FRYL: variants seen among roughly 807,000 people sequenced by gnomAD.
The protein encoded by FRYL is FRY like transcription coactivator, also known as protein furry homolog-like.
In FRYL, 150 loss-of-function variants were observed where a neutral mutation model predicts 351.2. That is an observed-to-expected ratio of 0.43 (90% confidence interval 0.37 to 0.49). FRYL has a LOEUF of 0.49. FRYL is among the 20% of genes least tolerant of loss of function. The pLI, the probability that FRYL is intolerant of heterozygous loss-of-function variation, is 0.00. For synonymous variants in FRYL, 1,153 were observed against 1,257.1 expected (o/e 0.92, Z 1.75); for missense variants, 3,036 against 3,619.3 (o/e 0.84, Z 4.13).
chr4:48,724,246 T>C lies in FRYL; in HGVS notation c.-383-13548A>G, dbSNP rs183797631. ...CATAAAAGACAGGGGAAAAAGTCCATGGCCAAACATCTCTGACTTTTCCTT... is the reference window on the plus strand; with the variant it reads ...CATAAAAGACAGGGGAAAAAGTCCACGGCCAAACATCTCTGACTTTTCCTT... On this transcript the variant is annotated intron_variant, in intron 1 of 63. Coordinates refer to ENST00000358350, the MANE Select transcript of FRYL (RefSeq NM_015030.2). Among the ~76,000 whole-genome samples, 3 of 152,296 alleles carry C rather than the reference T, an allele frequency of 2.0e-5. No homozygotes were observed. In the East Asian group the frequency reaches 5.8e-4, roughly 29 times the overall value.
chr4:48,760,518 G>A (rs561273118), intron 1 of FRYL, among the ~76,000 whole-genome samples: 1 of 152,002 alleles, frequency 6.6e-6, no homozygotes, highest in African/African-American at 2.4e-5. Context: ...CAATTCACAT[G>A]CCTTGTGTTT....
At chr4:48,708,653 C>T (rs1270937046) in intron 2 of FRYL, among the ~76,000 whole-genome samples, 2 of 152,172 alleles carry the variant, frequency 1.3e-5, no homozygotes, top group Admixed American at 6.5e-5. Context: ...AATGCAGTGG[C>T]GCAATCATAG....
rs766433033 is a variant in FRYL, at chr4:48,498,439, T to A, written c.*983A>T. On this transcript the variant is annotated 3_prime_UTR_variant, in exon 64 of 64. Transcript: ENST00000358350. Reference sequence around the variant, plus strand: ...AAATAACTGGTTTTAGTCTCTACAGTTTCTATATGGAGTAAAATAAGTTAA... The same window carrying A: ...AAATAACTGGTTTTAGTCTCTACAGATTCTATATGGAGTAAAATAAGTTAA... The A allele has an allele frequency of 6.6e-6, 1 of 152,536 alleles. No homozygotes were observed. The highest frequency in any genetic ancestry group is 1.5e-5 in the Non-Finnish European group (1 of 68,032). The allele number at this position is 152,536 out of a possible 1,614,324, so 9.4% of individuals were successfully genotyped here. A position where few individuals can be genotyped will look rare whatever the true frequency, so the allele number is the denominator to read the frequency against.
intron 3 of FRYL, chr4:48,638,335 A>G (rs528900438): frequency 6.6e-6 from 1 of 152,164 alleles, no homozygotes; most frequent in Non-Finnish European, 1.5e-5. Flanking sequence ...ATTACCTACA[A>G]AAGAAAAAGT....
intron 18 of FRYL, among the ~76,000 whole-genome samples, chr4:48,587,604 C>T (rs545540238): frequency 2.0e-5 from 3 of 151,846 alleles, no homozygotes; most frequent in South Asian, 4.2e-4. Flanking sequence ...AGTGCAATGG[C>T]GTGATCTCAG....
chr4:48,658,911 TACC>T (rs1204394172), intron 3 of FRYL, among the ~76,000 whole-genome samples: 6 of 152,156 alleles, frequency 3.9e-5, no homozygotes, highest in South Asian at 2.1e-4. Flanking sequence ...CCTCATTAAA[TACC>T]ACAACAAAAT....
At chr4:48,661,060 A>G (rs1347020130) in intron 3 of FRYL, among the ~76,000 whole-genome samples, 2 of 152,232 alleles carry the variant, frequency 1.3e-5, no homozygotes, top group Non-Finnish European at 1.5e-5. Context: ...ATGCATCAAC[A>G]TTGGTTTATT....
At chr4:48,596,868 T>A (rs958389417) in intron 13 of FRYL, among the ~76,000 whole-genome samples, 2 of 151,952 alleles carry the variant, frequency 1.3e-5, no homozygotes, top group Non-Finnish European at 2.9e-5. Context: ...TTTTTTTTTT[T>A]ACGGAGAAAC....
At chr4:48,542,479 C>T (rs1466330364) in intron 44 of FRYL, among the ~76,000 whole-genome samples, 4 of 152,194 alleles carry the variant, frequency 2.6e-5, no homozygotes, top group African/African-American at 4.8e-5. Flanking sequence ...TGCAGTGGTG[C>T]AATCTTGGCT....
At chr4:48,698,289 G>A (rs749991907) in intron 2 of FRYL, among the ~76,000 whole-genome samples, 20 of 152,194 alleles carry the variant, frequency 1.3e-4, no homozygotes, top group Non-Finnish European at 1.9e-4. Flanking sequence ...CTACGCGAAT[G>A]GGTTCTTGCC....
intron 3 of FRYL, among the ~76,000 whole-genome samples, chr4:48,661,570 T>C (rs1760724460): frequency 6.6e-6 from 1 of 152,136 alleles, no homozygotes; most frequent in Non-Finnish European, 1.5e-5. Context: ...TTTCAAAGAC[T>C]CCAAAACAAT....
chr4:48,573,320 A>G, intron 25 of FRYL, 77 bp from the exon 26 acceptor site: 1 of 926,074 alleles, frequency 1.1e-6, no homozygotes, highest in African/African-American at 1.6e-5. Context: ...TAAAAACATG[A>G]TGTAAACTGA....
rs1232990013 is a variant in FRYL, at chr4:48,581,601, C to A, written c.1991G>T (p.Gly664Val). ...GGGATGAGAAGCTCCATTAGCTACA[C>A]CATGCTTGAAAAACAGAAGTTAAAA... Reference protein sequence around the residue: ...MHNKNQDTQHGVANGASHPPP... With the variant: ...MHNKNQDTQHVVANGASHPPP... The change falls in exon 21 of 64, where the codon GGT becomes GTT. Residue 664 changes from glycine (G) to valine (V), a missense_variant. By Grantham distance (109) the Gly-to-Val change is moderately radical. Transcript: ENST00000358350. The A allele has an allele frequency of 6.3e-7, 1 of 1,584,236 alleles. No individual in the cohort carries two copies. The highest frequency in any genetic ancestry group is 8.5e-7 in the Non-Finnish European group (1 of 1,169,742).
intron 32 of FRYL, 44 bp from the exon 33 acceptor site, chr4:48,561,680 G>A: frequency 2.8e-6 from 4 of 1,417,360 alleles, no homozygotes; most frequent in Non-Finnish European, 3.9e-6. Flanking sequence ...GATTTTATGG[G>A]TTCTCTAAAG....
At chr4:48,604,996 A>T (rs1746475678) in intron 11 of FRYL, among the ~76,000 whole-genome samples, 1 of 152,226 alleles carries the variant, frequency 6.6e-6, no homozygotes, top group Non-Finnish European at 1.5e-5. Flanking sequence ...CAAACAACTT[A>T]CAGGAAAAGA....
intron 13 of FRYL, among the ~76,000 whole-genome samples, chr4:48,597,521 C>T (rs1744841424): frequency 6.6e-6 from 1 of 151,892 alleles, no homozygotes; most frequent in Non-Finnish European, 1.5e-5. Flanking sequence ...GGGAAATTTA[C>T]CCACAGGAAA....
At chr4:48,542,180 G>A in intron 44 of FRYL, 59 bp from the exon 45 acceptor site, 1 of 1,142,012 alleles carries the variant, frequency 8.8e-7, no homozygotes, top group African/African-American at 1.5e-5. Context: ...AACTGCAATG[G>A]ACTTCCTAAT....
At chr4:48,554,579 T>C (rs1733662652) in intron 35 of FRYL, among the ~76,000 whole-genome samples, 1 of 152,182 alleles carries the variant, frequency 6.6e-6, no homozygotes, top group Admixed American at 6.5e-5. Context: ...CCTCAGGTGA[T>C]CCTCCTGCCT....
At chr4:48,684,370 A>G (rs190377540) in intron 3 of FRYL, among the ~76,000 whole-genome samples, 296 of 152,296 alleles carry the variant, frequency 1.9e-3, no homozygotes, top group African/African-American at 6.5e-3. Flanking sequence ...CCCTCGTTAT[A>G]GGTGTTGATT....
Sources: gnomAD v4.1 joint callset for allele counts (sites outside exome capture counted in the v4.1 genomes callset) on GRCh38, gnomAD v4.1.1 for gene constraint, MANE v1.5 for transcripts, NCBI Gene and HGNC (gene_info 2026-07-23, HGNC 2026-07-21) for gene names.